GALNT9: variants seen among roughly 807,000 people sequenced by gnomAD.
GALNT9 encodes polypeptide N-acetylgalactosaminyltransferase 9.
A neutral mutation model predicts 63.1 loss-of-function variants in GALNT9; 47 were observed. The observed-to-expected ratio is 0.75, with a 90% confidence interval of 0.59 to 0.95. The LOEUF (loss-of-function observed/expected upper bound fraction) is 0.95. Among genes scored for constraint, GALNT9 ranks in the 40% least tolerant of loss-of-function variants. GALNT9 has a pLI of 0.00. For synonymous variants in GALNT9, 396 were observed against 365.7 expected, an observed-to-expected ratio of 1.08 and a Z score of -0.94; for missense variants, 829 against 874.8, an observed-to-expected ratio of 0.95 and a Z score of 0.66.
Position 132,236,391 on chromosome 12 carries a change from C to T in GALNT9, c.1077+11519G>A, listed in dbSNP as rs2136894700. ...GGCCTGGTGTCTCTGGAGGGGGCCT[C>T]GGAACCGGAGGGGAAGACCCCACAG... On this transcript the variant is annotated intron_variant, in intron 6 of 10. Coordinates refer to ENST00000328957, the MANE Select transcript of GALNT9 (RefSeq NM_001122636.2). The surrounding 1 kb of genome is among the most constrained non-coding windows in gnomAD (Gnocchi z 5.6). 9.5e-4 allele frequency among the ~76,000 whole-genome samples: 145 copies of T among 152,116 alleles called. No homozygotes were observed. The highest frequency in any genetic ancestry group is 2.7e-3 in the African/African-American group (113 of 41,496).
chr12:132,303,382 G>A lies in GALNT9; in HGVS notation c.239-16952C>T, dbSNP rs114291321. 1.5e-4 allele frequency among the ~76,000 whole-genome samples: 16 copies of A among 107,916 alleles called. 1 individual carries two copies. The highest frequency in any genetic ancestry group is 6.2e-4 in the South Asian group (2 of 3,214). 70.8% of individuals were successfully genotyped at this position (107,916 alleles called of 152,430 possible). The stretch of plus-strand genomic sequence containing the variant: ...AGAGATGAGAAGCAGCACCCTCTCC[G>A]GGGCACAGCCTCGCCCGGGCACACC... On this transcript the variant is annotated intron_variant, in intron 1 of 10. Transcript: ENST00000328957.
intron 6 of GALNT9, among the ~76,000 whole-genome samples, chr12:132,206,467 T>TG (rs1490841129): frequency 3.3e-5 from 5 of 152,026 alleles, no homozygotes; most frequent in African/African-American, 1.2e-4. Context: ...GCCAACATGA[T>TG]GAAACCCCAT....
At chr12:132,290,939 C>T (rs1223610957) in intron 1 of GALNT9, among the ~76,000 whole-genome samples, 1 of 51,932 alleles carries the variant, frequency 1.9e-5, no homozygotes, top group Non-Finnish European at 3.4e-5. Context: ...CCCACGTCCA[C>T]ACCACCCACA....
chr12:132,199,532 G>A (rs7297357), intron 8 of GALNT9, among the ~76,000 whole-genome samples: 4,298 of 152,160 alleles, frequency 0.028, 191 homozygotes, highest in African/African-American at 0.096. Context: ...CAGCAGGGAC[G>A]ACGGCCCCAG....
intron 1 of GALNT9, among the ~76,000 whole-genome samples, chr12:132,292,285 G>A (rs1880887958): frequency 6.6e-6 from 1 of 152,224 alleles, no homozygotes; most frequent in South Asian, 2.1e-4. Flanking sequence ...TTCACAGCAT[G>A]TACCTGGAGA....
At position 132,286,350 on chromosome 12, in the gene GALNT9, C is replaced by T. The variant is rs1280924213; in HGVS notation, c.319G>A (p.Gly107Ser). The T allele has an allele frequency of 5.2e-6, 8 of 1,550,868 alleles. No homozygotes were observed. The South Asian group carries it at 5.9e-5, about 12-fold the overall frequency. ...GGLAATLRDDGQEAEGKYEEY... is the reference protein window; with the variant it reads ...GGLAATLRDDSQEAEGKYEEY... ...TCATACTTGCCTTCCGCCTCCTGGC[C>T]GTCATCACGCAGGGTGGCCGCCAAG... Residue 107 changes from glycine to serine, a missense_variant, in exon 2 of 11, where the codon GGC becomes AGC. Physicochemically the swap from Gly to Ser is moderately conservative, Grantham distance 56. Coordinates refer to ENST00000328957, the MANE Select transcript of GALNT9 (RefSeq NM_001122636.2). The surrounding 1 kb of genome is among the most constrained non-coding windows in gnomAD (Gnocchi z 7.4).
In GALNT9 at chr12:132,257,738, T is replaced by A; in HGVS notation, c.910A>T (p.Ile304Phe). 1 of 1,550,336 alleles carries A rather than the reference T, an allele frequency of 6.5e-7. No individual in the cohort carries two copies. The highest frequency in any genetic ancestry group is 2.4e-5 in the East Asian group (1 of 40,902). ...CGGTCCAGCCAGTCCTGCGGGGGGA[T>A]GATGTACATGCACCAGAGGCCCCAG... The part of the protein sequence containing the change: ...YNWGLWCMYI[I>F]PPQDWLDRGD... Residue 304 changes from isoleucine to phenylalanine, a missense_variant, in exon 5 of 11, where the codon ATC becomes TTC. Transcript: ENST00000328957.
Position 132,262,624 on chromosome 12 carries a change from A to C in GALNT9, c.421T>G (p.Cys141Gly). 1 of 1,544,306 alleles carries C rather than the reference A, an allele frequency of 6.5e-7. No individual in the cohort carries two copies. The highest frequency in any genetic ancestry group is 8.7e-7 in the Non-Finnish European group (1 of 1,143,968). The change falls in exon 3 of 11, where the codon TGC becomes GGC. Residue 141 changes from cysteine (C) to glycine (G), a missense_variant and splice_region_variant. Physicochemically the swap from Cys to Gly is radical, Grantham distance 159. Coordinates refer to ENST00000328957, the MANE Select transcript of GALNT9 (RefSeq NM_001122636.2). ...RSIPDYRPRK[C>G]RQMSYAQDLP... Reference sequence around the variant, plus strand: ...TCCTGGGCGTAGCTCATCTGTCTGCACCTGCAGGAAACACGGTTTGGGGTG... The same window carrying C: ...TCCTGGGCGTAGCTCATCTGTCTGCCCCTGCAGGAAACACGGTTTGGGGTG...
intron 5 of GALNT9, among the ~76,000 whole-genome samples, chr12:132,249,625 CA>C (rs1336501514): frequency 1.3e-5 from 2 of 152,214 alleles, no homozygotes; most frequent in Non-Finnish European, 2.9e-5. Context: ...TTCTTAACAA[CA>C]ACCATCATTT....
At chr12:132,207,492 A>G (rs147672698) in intron 6 of GALNT9, among the ~76,000 whole-genome samples, 4,921 of 152,300 alleles carry the variant, frequency 0.032, 252 homozygotes, top group African/African-American at 0.11. Context: ...AGCCAGCTCC[A>G]CAGGTGCCAG....
intron 2 of GALNT9, among the ~76,000 whole-genome samples, chr12:132,268,938 A>C (rs1593095401): frequency 6.6e-6 from 1 of 152,100 alleles, no homozygotes; most frequent in African/African-American, 2.4e-5. Flanking sequence ...TGGGGACGGG[A>C]GGTGGCGCAG....
intron 6 of GALNT9, among the ~76,000 whole-genome samples, chr12:132,205,094 G>A (rs117886458): frequency 6.6e-6 from 1 of 152,268 alleles, no homozygotes; most frequent in East Asian, 1.9e-4. Flanking sequence ...AGTCATCCCT[G>A]GACTCTGGTT....
rs1159049546 is a variant in GALNT9, at chr12:132,296,828, G to A, written c.239-10398C>T. Among the ~76,000 whole-genome samples, 2 of 151,622 alleles carry A rather than the reference G, an allele frequency of 1.3e-5. No homozygotes were observed. Among genetic ancestry groups the A allele is most frequent in the Admixed American group, 6.6e-5 (1 of 15,236 alleles). ...CCATGTGGACGGCGAGAGCACACAC[G>A]CATTGGGGGCTGGGCGGGGGGAGGG... On this transcript the variant is annotated intron_variant, in intron 1 of 10. Coordinates refer to ENST00000328957, the MANE Select transcript of GALNT9 (RefSeq NM_001122636.2). This position sits in a 1 kb window ranked among gnomAD's most constrained non-coding sequence, Gnocchi z 4.2.
intron 2 of GALNT9, among the ~76,000 whole-genome samples, chr12:132,267,578 A>G (rs1555240300): frequency 6.6e-6 from 1 of 152,226 alleles, no homozygotes; most frequent in African/African-American, 2.4e-5. Context: ...TTGAAAAAGA[A>G]CCAAGCGGGA....
chr12:132,302,938 A>G (rs782172501), intron 1 of GALNT9, among the ~76,000 whole-genome samples: 3 of 151,082 alleles, frequency 2.0e-5, no homozygotes, highest in South Asian at 2.1e-4. Flanking sequence ...CAGGTTTTCT[A>G]TGCAGAGGGA....
At chr12:132,260,175 A>G (rs1879322479) in intron 4 of GALNT9, among the ~76,000 whole-genome samples, 1 of 152,052 alleles carries the variant, frequency 6.6e-6, no homozygotes, top group Non-Finnish European at 1.5e-5. Context: ...GGATGGAGAA[A>G]CAGACACAGG....
intron 5 of GALNT9, among the ~76,000 whole-genome samples, chr12:132,254,546 G>A (rs1007489511): frequency 9.9e-5 from 15 of 152,180 alleles, no homozygotes; most frequent in African/African-American, 3.4e-4. Flanking sequence ...CAGGGCTCCA[G>A]CACGTGACTC....
chr12:132,206,716 G>A (rs569815759), intron 6 of GALNT9, among the ~76,000 whole-genome samples: 7 of 151,912 alleles, frequency 4.6e-5, no homozygotes, highest in East Asian at 1.9e-4. Flanking sequence ...AGGGAGGACC[G>A]TGGACCTGAC....
intron 6 of GALNT9, among the ~76,000 whole-genome samples, chr12:132,217,521 C>T (rs967445041): frequency 2.4e-4 from 36 of 150,828 alleles, no homozygotes; most frequent in African/African-American, 8.3e-4. Context: ...TCCATCCCTG[C>T]ATCCAACCAG....
Sources: allele counts gnomAD v4.1 joint callset (sites outside exome capture counted in the v4.1 genomes callset), GRCh38; gene constraint gnomAD v4.1.1; non-coding constraint Gnocchi (gnomAD v3.1); transcripts MANE v1.5; gene names NCBI Gene and HGNC (gene_info 2026-07-23, HGNC 2026-07-21).